SH2D2A: variants seen among roughly 807,000 people sequenced by gnomAD.
SH2D2A encodes SH2 domain-containing protein 2A.
Under a neutral mutation model 43.6 loss-of-function variants are expected in SH2D2A, and 33 were observed. That is an observed-to-expected ratio of 0.76 (90% CI 0.57 to 1.01). The LOEUF (loss-of-function observed/expected upper bound fraction) is 1.01, where lower values mean the gene tolerates loss of function less well. Ranked by LOEUF, SH2D2A falls within the 50% of genes least tolerant of loss-of-function variation. SH2D2A has a pLI of 0.00. For synonymous variants in SH2D2A, 212 were observed against 206.1 expected (o/e 1.03, Z -0.25); for missense variants, 491 against 503.1 (o/e 0.98, Z 0.23).
At chr1:156,813,156 T>A (rs1376871409) in intron 5 of SH2D2A, among the ~76,000 whole-genome samples, 1 of 152,122 alleles carries the variant, frequency 6.6e-6, no homozygotes, top group African/African-American at 2.4e-5. Context: ...ACTCCGTAAG[T>A]ATCTCTTACA....
Position 156,809,725 on chromosome 1 carries a change from C to T in SH2D2A, c.650G>A (p.Ser217Asn), listed in dbSNP as rs1295847406. 6.2e-7 allele frequency: 1 copy of T among 1,613,908 alleles called. No individual in the cohort carries two copies. Among genetic ancestry groups the T allele is most frequent in the East Asian group, 2.2e-5 (1 of 44,888 alleles). Residue 217 changes from serine (S) to asparagine (N), a missense_variant, in exon 6 of 9, where the codon AGC becomes AAC. Transcript: ENST00000368199. This position sits in a 1 kb window ranked among gnomAD's most constrained non-coding sequence, Gnocchi z 4.8. ...SKSQDPNPQYSPIIKQGQAPV... is the reference protein window; with the variant it reads ...SKSQDPNPQYNPIIKQGQAPV... ...GGCTTGCCCCTGTTTGATGATTGGG[C>T]TGTACTGGGGGTTTGGGTCCTGGCT...
chr1:156,816,735 A>C lies in SH2D2A; in HGVS notation c.-27T>G, dbSNP rs372212885. 5 of 1,587,380 alleles carry C rather than the reference A, an allele frequency of 3.1e-6. No individual in the cohort carries two copies. The highest frequency in any genetic ancestry group is 4.3e-6 in the Non-Finnish European group (5 of 1,166,598). On this transcript the variant is annotated 5_prime_UTR_variant, in exon 1 of 9. Transcript: ENST00000368199. ...AGGGCAGCCTCACAAGGGATCCCAG[A>C]GCAGGGTGTGTGTATGTGTTCCGGA...
In SH2D2A at chr1:156,809,754, G is replaced by A. The variant is rs537955696; in HGVS notation, c.621C>T (p.Ser207=). The change falls in exon 6 of 9, where the codon AGC becomes AGT. Residue 207 remains serine, a synonymous_variant. Transcript: ENST00000368199. The surrounding 1 kb of genome is among the most constrained non-coding windows in gnomAD (Gnocchi z 4.8). ...SLRTEESNFG[S]KSQDPNPQYS... ...ACTGGGGGTTTGGGTCCTGGCTTTT[G>A]CTTCCAAAGTTTGATTCTTCGGTCC... 1.5e-5 allele frequency: 25 copies of A among 1,614,102 alleles called. No individual in the cohort carries two copies. In the Middle Eastern group the frequency reaches 5.0e-4, roughly 32 times the overall value.
chr1:156,814,374 A>G, intron 3 of SH2D2A, 80 bp from the exon 4 acceptor site: 1 of 1,552,166 alleles, frequency 6.4e-7, no homozygotes, highest in Non-Finnish European at 8.7e-7. Context: ...TCTCACGAGG[A>G]ACCCCTACCC....
At chr1:156,813,733 G>A in intron 5 of SH2D2A, 115 bp downstream of exon 5, 3 of 1,011,118 alleles carry the variant, frequency 3.0e-6, no homozygotes, top group Non-Finnish European at 4.0e-6. Context: ...AGGCATGCCC[G>A]AGTGGTGTTT....
chr1:156,815,156 A>G lies in SH2D2A; in HGVS notation c.189T>C (p.Pro63=). The G allele has an allele frequency of 6.2e-7, 1 of 1,605,494 alleles. No homozygotes were observed. The highest frequency in any genetic ancestry group is 8.5e-7 in the Non-Finnish European group (1 of 1,176,198). The change falls in exon 3 of 9, where the codon CCT becomes CCC. Residue 63 remains proline, a synonymous_variant. Transcript: ENST00000368199. ...CCTGCAGGAACAGGCTTCCTTCTCC[A>G]GGCACCTCCTCTGCCCTCTCAGCAT... ...TGNAERAEEV[P]GEGSLFLQAE...
intron 3 of SH2D2A, 55 bp downstream of exon 3, chr1:156,814,982 A>G: frequency 2.1e-6 from 3 of 1,401,740 alleles, no homozygotes; most frequent in East Asian, 2.7e-5. Flanking sequence ...GGCAGGACCC[A>G]GACCCAGGAC....
chr1:156,809,177 C>G lies in SH2D2A; in HGVS notation c.1002+26G>C. The G allele has an allele frequency of 6.3e-7, 1 of 1,577,266 alleles. No homozygotes were observed. The highest frequency in any genetic ancestry group is 8.6e-7 in the Non-Finnish European group (1 of 1,160,532). On this transcript the variant is annotated intron_variant, in intron 7 of 8. Coordinates refer to ENST00000368199, the MANE Select transcript of SH2D2A (RefSeq NM_003975.4). The surrounding 1 kb of genome is among the most constrained non-coding windows in gnomAD (Gnocchi z 4.8). ...TACCTGCAGGGAGACCTTCTTGCAC[C>G]TACCTTTCCCTGCATACCCATTTAC...
chr1:156,814,789 A>G (rs1653732837), intron 3 of SH2D2A: 1 of 431,972 alleles, frequency 2.3e-6, no homozygotes, highest in African/African-American at 2.0e-5. Flanking sequence ...CAGGAGGATA[A>G]TGGGGCCTAG....
In SH2D2A at chr1:156,816,714, C is replaced by T. The variant is rs747802428; in HGVS notation, c.-6G>A. The T allele has an allele frequency of 3.8e-6, 6 of 1,597,174 alleles. No individual in the cohort carries two copies. The East Asian group carries it at 6.9e-5, about 18-fold the overall frequency. ...TGGGCCAGGGGGAACTCCATGAGGGCAGCCTCACAAGGGATCCCAGAGCAG... is the reference window on the plus strand; with the variant it reads ...TGGGCCAGGGGGAACTCCATGAGGGTAGCCTCACAAGGGATCCCAGAGCAG... On this transcript the variant is annotated 5_prime_UTR_variant, in exon 1 of 9. Coordinates refer to ENST00000368199, the MANE Select transcript of SH2D2A (RefSeq NM_003975.4).
Position 156,814,903 on chromosome 1 carries a change from G to T in SH2D2A, c.308+134C>A, listed in dbSNP as rs554398153. The T allele has an allele frequency of 5.9e-6, 4 of 676,328 alleles. No homozygotes were observed. The South Asian group carries it at 1.3e-4, about 22-fold the overall frequency. The allele number at this position is 676,328 out of a possible 1,614,324, so 41.9% of individuals were successfully genotyped here. On this transcript the variant is annotated intron_variant, in intron 3 of 8. Transcript: ENST00000368199. ...GGCTAGGAAAACTCTGGGAGTGGGA[G>T]CCTGGAGTGGGCGCCTCCATCTACT...
chr1:156,807,079 GT>G lies in SH2D2A; in HGVS notation c.*3+95del. The stretch of plus-strand genomic sequence containing the variant: ...TCCTTTCCAGCTTTGAACACCTATG[GT>G]TTATTCCATCCACATTTCTTGAGAA... On this transcript the variant is annotated intron_variant, in intron 8 of 8. Coordinates refer to ENST00000368199, the MANE Select transcript of SH2D2A (RefSeq NM_003975.4). This position sits in a 1 kb window ranked among gnomAD's most constrained non-coding sequence, Gnocchi z 5.1. 1 of 1,168,244 alleles carries G rather than the reference GT, an allele frequency of 8.6e-7. No individual in the cohort carries two copies. The highest frequency in any genetic ancestry group is 1.3e-6 in the Non-Finnish European group (1 of 788,504). 72.4% of individuals were successfully genotyped at this position (1,168,244 alleles called of 1,614,324 possible).
At position 156,809,488 on chromosome 1, in the gene SH2D2A, G is replaced by C. The variant is rs748430201; in HGVS notation, c.717C>G (p.Pro239=). ...MQKEGAGEKE[P]SQLLRPKPPI... ...GAGGCTTGGGCCTGAGCAGCTGGGA[G>C]GGCTGGGAGAGAAGGTGAGGCCAGG... The change falls in exon 7 of 9, where the codon CCC becomes CCG. Residue 239 remains proline, a splice_region_variant and synonymous_variant. Transcript: ENST00000368199. The surrounding 1 kb of genome is among the most constrained non-coding windows in gnomAD (Gnocchi z 4.8). 25 of 1,597,892 alleles carry C rather than the reference G, an allele frequency of 1.6e-5. No individual in the cohort carries two copies. The Admixed American group carries it at 4.2e-4, about 27-fold the overall frequency.
intron 5 of SH2D2A, among the ~76,000 whole-genome samples, chr1:156,810,813 G>A (rs966864309): frequency 2.0e-5 from 3 of 152,140 alleles, no homozygotes; most frequent in Admixed American, 6.5e-5. Flanking sequence ...GAGCCACTGC[G>A]CCCGGCCATA....
intron 5 of SH2D2A, among the ~76,000 whole-genome samples, chr1:156,811,782 C>A (rs1469735068): frequency 2.0e-5 from 3 of 152,182 alleles, no homozygotes. Flanking sequence ...GCTCTGTTTT[C>A]TTTGTCAGTT....
chr1:156,813,870 A>T lies in SH2D2A; in HGVS notation c.545T>A (p.Leu182His). The change falls in exon 5 of 9, where the codon CTC becomes CAC. Residue 182 changes from leucine to histidine, a missense_variant. Leu to His is a moderately conservative substitution (Grantham distance 99). Coordinates refer to ENST00000368199, the MANE Select transcript of SH2D2A (RefSeq NM_003975.4). ...TACCTGTCGGGCGAGGGGCTCGGTG[A>T]GCGTCTCCCCGTAGGGGCTGAGCGG... ...AHPLSPYGET[L>H]TEPLARQTPE... 1.3e-6 allele frequency: 2 copies of T among 1,509,912 alleles called. No individual in the cohort carries two copies. Among genetic ancestry groups the T allele is most frequent in the African/African-American group, 1.4e-5 (1 of 72,544 alleles). 93.5% of individuals were successfully genotyped at this position (1,509,912 alleles called of 1,614,324 possible).
At chr1:156,812,599 T>C (rs1382442629) in intron 5 of SH2D2A, among the ~76,000 whole-genome samples, 4 of 152,188 alleles carry the variant, frequency 2.6e-5, no homozygotes, top group South Asian at 2.1e-4. Context: ...TGACACCCTG[T>C]GTAGAACAGC....
At chr1:156,815,462 AGC>A (rs1343716303) in intron 2 of SH2D2A, 1 of 574,606 alleles carries the variant, frequency 1.7e-6, no homozygotes, top group Non-Finnish European at 3.1e-6. Flanking sequence ...TTAATCCAGC[AGC>A]AGTGAGCTGT....
rs574198558 is a variant in SH2D2A, at chr1:156,809,222, C to T, written c.983G>A (p.Arg328Lys). The change falls in exon 7 of 9, where the codon AGG becomes AAG. Residue 328 changes from arginine (R) to lysine (K), a missense_variant. Arg to Lys is a conservative substitution (Grantham distance 26). Coordinates refer to ENST00000368199, the MANE Select transcript of SH2D2A (RefSeq NM_003975.4). This position sits in a 1 kb window ranked among gnomAD's most constrained non-coding sequence, Gnocchi z 4.8. ...ATTTACCTGGCCTCCTGGGACAGGC[C>T]TGGACCAGCTCTTCCGTAGGACAGG... ...GHPVLRKSWSRPVPGGQNTGG... is the reference protein window; with the variant it reads ...GHPVLRKSWSKPVPGGQNTGG... 1.5e-4 allele frequency: 245 copies of T among 1,612,592 alleles called. No individual in the cohort carries two copies. The highest frequency in any genetic ancestry group is 2.0e-4 in the Non-Finnish European group (235 of 1,179,238).
Sources: allele counts gnomAD v4.1 joint callset (sites outside exome capture counted in the v4.1 genomes callset), GRCh38; gene constraint gnomAD v4.1.1; non-coding constraint Gnocchi (gnomAD v3.1); transcripts MANE v1.5; gene names NCBI Gene and HGNC (gene_info 2026-07-23, HGNC 2026-07-21).